The following PPP2CA variants were observed in gnomAD, a reference collection of about 807,000 sequenced individuals.
The protein encoded by PPP2CA is protein phosphatase 2 catalytic subunit alpha, also known as serine/threonine-protein phosphatase 2A catalytic subunit alpha isoform.
Under a neutral mutation model 38.8 loss-of-function variants are expected in PPP2CA, and 5 were observed. That is an observed-to-expected ratio of 0.13 (90% CI 0.07 to 0.27). The LOEUF is 0.27. Among genes scored for constraint, PPP2CA ranks in the 10% least tolerant of loss-of-function variants. The pLI, the probability that PPP2CA is intolerant of heterozygous loss-of-function variation, is 1.00. For missense variants in PPP2CA, 88 were observed against 389.7 expected, an observed-to-expected ratio of 0.23 and a Z score of 6.52; for synonymous variants, 152 against 134.0, an observed-to-expected ratio of 1.13 and a Z score of -0.93.
chr5:134,200,559 A>G, intron 4 of PPP2CA, 63 bp from the exon 5 acceptor site: 1 of 1,552,118 alleles, frequency 6.4e-7, no homozygotes. Flanking sequence ...TTATTTGAGT[A>G]ATTCATCAGA....
chr5:134,210,965 T>C (rs377636845), intron 1 of PPP2CA, among the ~76,000 whole-genome samples: 1 of 152,214 alleles, frequency 6.6e-6, no homozygotes, highest in Non-Finnish European at 1.5e-5. Context: ...AGGTTAAAAC[T>C]AGAATGAGGC....
At chr5:134,202,618 A>G (rs1469094286) in intron 2 of PPP2CA, 1 of 152,120 alleles carries the variant, frequency 6.6e-6, no homozygotes, top group African/African-American at 2.4e-5. Flanking sequence ...TTGTTTCTCT[A>G]TTCACAGTTA....
At chr5:134,211,449 C>G (rs1762200903) in intron 1 of PPP2CA, among the ~76,000 whole-genome samples, 1 of 150,694 alleles carries the variant, frequency 6.6e-6, no homozygotes, top group African/African-American at 2.4e-5. Flanking sequence ...GCTCATAAAT[C>G]ATCCATGCTG....
chr5:134,199,217 G>C lies in PPP2CA; in HGVS notation c.739-13C>G. On this transcript the variant is annotated splice_polypyrimidine_tract_variant and intron_variant, in intron 5 of 6. Transcript: ENST00000481195. ...ACCAGTTATATCCCTGCAAGGAAAA[G>C]GAGACAAAAATCTTACTTTACTCCC... 6.3e-7 allele frequency: 1 copy of C among 1,588,580 alleles called. No individual in the cohort carries two copies. Among genetic ancestry groups the C allele is most frequent in the Non-Finnish European group, 8.6e-7 (1 of 1,157,772 alleles).
At chr5:134,207,953 A>G (rs1762117857) in intron 1 of PPP2CA, among the ~76,000 whole-genome samples, 1 of 152,198 alleles carries the variant, frequency 6.6e-6, no homozygotes, top group Non-Finnish European at 1.5e-5. Flanking sequence ...CTATCACTAA[A>G]AAACACAAAT....
At chr5:134,211,981 G>A (rs1046791600) in intron 1 of PPP2CA, among the ~76,000 whole-genome samples, 30 of 152,042 alleles carry the variant, frequency 2.0e-4, no homozygotes, top group Non-Finnish European at 4.0e-4. Context: ...TTAGCCAGGC[G>A]TGGTGGCAGG....
rs1384683845 is a variant in PPP2CA, at chr5:134,196,081, A to C, written c.*1691T>G. 6.6e-6 allele frequency: 1 copy of C among 152,234 alleles called. No homozygotes were observed. Among genetic ancestry groups the C allele is most frequent in the Non-Finnish European group, 1.5e-5 (1 of 68,044 alleles). 9.4% of individuals were successfully genotyped at this position (152,234 alleles called of 1,614,324 possible). A position where few individuals can be genotyped will look rare whatever the true frequency, so the allele number is the denominator to read the frequency against. ...GAGAATGTATTTCTTGTGAAAGAAA[A>C]GAATGAAATGAAATGAAATGTAGAA... On this transcript the variant is annotated 3_prime_UTR_variant, in exon 7 of 7. Coordinates refer to ENST00000481195, the MANE Select transcript of PPP2CA (RefSeq NM_002715.4).
At chr5:134,199,825 T>A (rs1195782340) in intron 5 of PPP2CA, among the ~76,000 whole-genome samples, 1 of 152,244 alleles carries the variant, frequency 6.6e-6, no homozygotes, top group African/African-American at 2.4e-5. Context: ...ATTTTATTGA[T>A]AACCACAGAG....
intron 1 of PPP2CA, among the ~76,000 whole-genome samples, chr5:134,218,371 A>G (rs1254118533): frequency 6.6e-6 from 1 of 152,214 alleles, no homozygotes; most frequent in Non-Finnish European, 1.5e-5. Flanking sequence ...TGTTTCTGCA[A>G]TATCACCTTT....
chr5:134,226,044 T>G lies in PPP2CA; in HGVS notation c.-183A>C, dbSNP rs1013603087. The G allele has an allele frequency of 3.4e-5, 18 of 527,584 alleles. No homozygotes were observed. The highest frequency in any genetic ancestry group is 3.1e-4 in the African/African-American group (15 of 48,874). The allele number at this position is 527,584 out of a possible 1,614,324, so 32.7% of individuals were successfully genotyped here. A position where few individuals can be genotyped will look rare whatever the true frequency, so the allele number is the denominator to read the frequency against. On this transcript the variant is annotated 5_prime_UTR_variant, in exon 1 of 7. Coordinates refer to ENST00000481195, the MANE Select transcript of PPP2CA (RefSeq NM_002715.4). ...TCGGCCGCTGCGCCTCCTCCTCCGC[T>G]CGCTGAGGCTCCAGAGCTCGGCTCT...
chr5:134,222,216 T>G (rs1356422898), intron 1 of PPP2CA, among the ~76,000 whole-genome samples: 1 of 152,118 alleles, frequency 6.6e-6, no homozygotes, highest in African/African-American at 2.4e-5. Context: ...CAATATCTTA[T>G]AAAAGTATGA....
intron 1 of PPP2CA, among the ~76,000 whole-genome samples, chr5:134,213,623 G>A (rs1302271559): frequency 1.3e-5 from 2 of 151,772 alleles, no homozygotes; most frequent in African/African-American, 2.4e-5. Context: ...CTGTCTCTAC[G>A]AAAAATAAAA....
intron 1 of PPP2CA, among the ~76,000 whole-genome samples, chr5:134,223,950 C>G (rs771202015): frequency 6.6e-6 from 1 of 152,170 alleles, no homozygotes; most frequent in Non-Finnish European, 1.5e-5. Context: ...AGTTTATAGA[C>G]AGGAAAACAA....
chr5:134,224,606 A>G (rs1225795042), intron 1 of PPP2CA, among the ~76,000 whole-genome samples: 1 of 152,258 alleles, frequency 6.6e-6, no homozygotes, highest in African/African-American at 2.4e-5. Context: ...AATTTTGAAA[A>G]GGGAAGTTAA....
chr5:134,204,055 C>T (rs567477470), intron 2 of PPP2CA, among the ~76,000 whole-genome samples: 24 of 152,226 alleles, frequency 1.6e-4, no homozygotes, highest in Non-Finnish European at 3.1e-4. Context: ...TCTAGTCCAA[C>T]TCCTTCATTT....
chr5:134,200,481 A>G lies in PPP2CA; in HGVS notation c.592T>C (p.Leu198=). 6.2e-7 allele frequency: 1 copy of G among 1,612,728 alleles called. No individual in the cohort carries two copies. Among genetic ancestry groups the G allele is most frequent in the South Asian group, 1.1e-5 (1 of 90,724 alleles). Residue 198 remains leucine, a synonymous_variant, in exon 5 of 7, where the codon TTG becomes CTG. Coordinates refer to ENST00000481195, the MANE Select transcript of PPP2CA (RefSeq NM_002715.4). ...CGGTCATCTGGATCTGACCACAGCA[A>G]GTCACACATTGGACCCTAAAAAATA... is the stretch of plus-strand genomic sequence containing the variant. ...EVPHEGPMCD[L]LWSDPDDRGG...
chr5:134,218,862 G>C (rs891679947), intron 1 of PPP2CA, among the ~76,000 whole-genome samples: 8 of 151,928 alleles, frequency 5.3e-5, no homozygotes, highest in Non-Finnish European at 1.2e-4. Context: ...GTAGAGACGG[G>C]GTTTCACCGT....
At chr5:134,225,640 T>C (rs1181171025) in intron 1 of PPP2CA, 120 bp downstream of exon 1, 10 of 798,178 alleles carry the variant, frequency 1.3e-5, no homozygotes, top group East Asian at 3.2e-5. Context: ...TGGGCGCCGG[T>C]CTCGGAGACT....
At chr5:134,208,205 A>C (rs928479545) in intron 1 of PPP2CA, among the ~76,000 whole-genome samples, 4 of 152,244 alleles carry the variant, frequency 2.6e-5, no homozygotes, top group African/African-American at 9.6e-5. Flanking sequence ...GTTAAATGTT[A>C]ATATACTTCT....
Sources: gnomAD v4.1 joint callset for allele counts (sites outside exome capture counted in the v4.1 genomes callset) on GRCh38, gnomAD v4.1.1 for gene constraint, MANE v1.5 for transcripts, NCBI Gene and HGNC (gene_info 2026-07-23, HGNC 2026-07-21) for gene names.